Variants in OXR1 observed in about 807,000 individuals in gnomAD.
The protein encoded by OXR1 is oxidation resistance 1.
A neutral mutation model predicts 104.6 loss-of-function variants in OXR1; 41 were observed. That is an observed-to-expected ratio of 0.39 (90% CI 0.31 to 0.51). The LOEUF (loss-of-function observed/expected upper bound fraction) is 0.51. Among genes scored for constraint, OXR1 ranks in the 20% least tolerant of loss-of-function variants. The probability of loss-of-function intolerance (pLI) is 0.77; values close to 1 mark genes in which losing one functional copy is unlikely to be tolerated. For missense variants in OXR1, 955 were observed against 1,031.9 expected (o/e 0.93, Z 1.02); for synonymous variants, 348 against 348.4 (o/e 1.00, Z 0.01).
intron 2 of OXR1, among the ~76,000 whole-genome samples, chr8:106,436,205 C>T (rs951994425): frequency 3.3e-5 from 5 of 152,080 alleles, no homozygotes; most frequent in Admixed American, 2.6e-4. Flanking sequence ...GCCATACAGT[C>T]ACCTAGACCC....
At chr8:106,509,365 T>C (rs1309841761) in intron 2 of OXR1, among the ~76,000 whole-genome samples, 5 of 152,208 alleles carry the variant, frequency 3.3e-5, no homozygotes, top group African/African-American at 1.2e-4. Context: ...TATAGTGACA[T>C]AATCAGAAAG....
At chr8:106,577,253 C>T (rs1036494332) in intron 3 of OXR1, among the ~76,000 whole-genome samples, 2 of 151,322 alleles carry the variant, frequency 1.3e-5, no homozygotes, top group Non-Finnish European at 2.9e-5. Context: ...GTCTGTCGCC[C>T]AGACTGGAAT....
chr8:106,299,349 A>G (rs1050817438), intron 1 of OXR1, among the ~76,000 whole-genome samples: 3 of 152,052 alleles, frequency 2.0e-5, no homozygotes, highest in African/African-American at 7.2e-5. Flanking sequence ...GCATGGGACA[A>G]GTATATATAA....
chr8:106,497,212 T>C (rs1392263207), intron 2 of OXR1, among the ~76,000 whole-genome samples: 1 of 152,198 alleles, frequency 6.6e-6, no homozygotes, highest in Non-Finnish European at 1.5e-5. Context: ...GAGGATTTCA[T>C]AAATGCTTGG....
At chr8:106,725,497 C>T (rs1345152335) in intron 11 of OXR1, among the ~76,000 whole-genome samples, 1 of 152,102 alleles carries the variant, frequency 6.6e-6, no homozygotes, top group African/African-American at 2.4e-5. Context: ...CACTTCTTTG[C>T]TTATATTCAA....
chr8:106,453,666 A>G (rs1326020489), intron 2 of OXR1, among the ~76,000 whole-genome samples: 1 of 152,166 alleles, frequency 6.6e-6, no homozygotes, highest in African/African-American at 2.4e-5. Context: ...CATCACTCCT[A>G]TTCTTAAACT....
intron 3 of OXR1, among the ~76,000 whole-genome samples, chr8:106,662,355 TA>T (rs1825848277): frequency 6.6e-6 from 1 of 152,240 alleles, no homozygotes; most frequent in African/African-American, 2.4e-5. Context: ...TTAATAATAA[TA>T]TTTTTTTAAA....
chr8:106,736,729 G>A (rs921670855), intron 11 of OXR1, among the ~76,000 whole-genome samples: 1 of 152,134 alleles, frequency 6.6e-6, no homozygotes, highest in Non-Finnish European at 1.5e-5. Flanking sequence ...CTGTGCAAGA[G>A]CCTGGTCTAG....
At chr8:106,314,851 A>C (rs1813859924) in intron 1 of OXR1, among the ~76,000 whole-genome samples, 1 of 152,230 alleles carries the variant, frequency 6.6e-6, no homozygotes, top group South Asian at 2.1e-4. Context: ...TCTGCATTTT[A>C]AAAATGATGA....
intron 16 of OXR1, among the ~76,000 whole-genome samples, chr8:106,746,725 T>G (rs1021440275): frequency 6.6e-6 from 1 of 152,194 alleles, no homozygotes; most frequent in Admixed American, 6.5e-5. Context: ...TCATGGTTAT[T>G]GTAGCCTTCT....
intron 3 of OXR1, chr8:106,522,771 T>C (rs1813353621): frequency 6.6e-6 from 1 of 152,204 alleles, no homozygotes; most frequent in Non-Finnish European, 1.5e-5. Context: ...GAGTTGTTTT[T>C]CTTCTTACTC....
chr8:106,701,957 C>T (rs1830618190), intron 7 of OXR1, among the ~76,000 whole-genome samples: 1 of 152,060 alleles, frequency 6.6e-6, no homozygotes, highest in Admixed American at 6.6e-5. Flanking sequence ...ATTTGTATCA[C>T]TATTTATTTA....
At position 106,706,675 on chromosome 8, in the gene OXR1, C is replaced by T; in HGVS notation, c.1154C>T (p.Ser385Leu). The T allele has an allele frequency of 6.2e-7, 1 of 1,613,340 alleles. No individual in the cohort carries two copies. The change falls in exon 9 of 17, where the codon TCA becomes TTA. Residue 385 changes from serine (S) to leucine (L), a missense_variant. This residue lies in a region of OXR1 where 849 missense variants were observed against 852.9 expected (regional missense o/e 1.00). Coordinates refer to ENST00000517566, the MANE Select transcript of OXR1 (RefSeq NM_001198533.2). Reference sequence around the variant, plus strand: ...GAAGTAGAAAGTCTGACAGTCAAATCAGAATCTACTGGTACTCCTGGTCAC... The same window carrying T: ...GAAGTAGAAAGTCTGACAGTCAAATTAGAATCTACTGGTACTCCTGGTCAC... ...QAEVESLTVK[S>L]ESTGTPGHLR...
intron 2 of OXR1, among the ~76,000 whole-genome samples, chr8:106,430,096 C>A (rs1819299031): frequency 6.6e-6 from 1 of 151,940 alleles, no homozygotes; most frequent in African/African-American, 2.4e-5. Context: ...AGGTTGGTAT[C>A]TTTATTTCTC....
intron 1 of OXR1, among the ~76,000 whole-genome samples, chr8:106,310,953 G>A (rs1002269112): frequency 1.3e-5 from 2 of 151,844 alleles, no homozygotes; most frequent in African/African-American, 2.4e-5. Context: ...TTCTATCTTG[G>A]TGATTCATGT....
chr8:106,437,834 G>A (rs1367030699), intron 2 of OXR1, among the ~76,000 whole-genome samples: 1 of 152,164 alleles, frequency 6.6e-6, no homozygotes, highest in Non-Finnish European at 1.5e-5. Flanking sequence ...TACTGTGGTA[G>A]ATACAGTGAA....
intron 3 of OXR1, among the ~76,000 whole-genome samples, chr8:106,670,881 T>A (rs1479251010): frequency 1.3e-5 from 2 of 151,502 alleles, no homozygotes; most frequent in African/African-American, 4.9e-5. Flanking sequence ...AAACCCTGTC[T>A]CTACTAAAAA....
Position 106,399,916 on chromosome 8 carries a change from T to C in OXR1, c.23+40280T>C, listed in dbSNP as rs189911775. Among the ~76,000 whole-genome samples the C allele has an allele frequency of 1.6e-3, 240 of 152,256 alleles. 2 individuals carry two copies. Among genetic ancestry groups the C allele is most frequent in the Non-Finnish European group, 2.2e-3 (150 of 67,996 alleles). On this transcript the variant is annotated intron_variant, in intron 2 of 16. Coordinates refer to ENST00000517566, the MANE Select transcript of OXR1 (RefSeq NM_001198533.2). ...TTCTGTAGAAAATCTCAGTGCATTT[T>C]TCCTTGCATCAAGAATCCTTGTTTC...
chr8:106,683,503 A>T (rs1828384715), intron 5 of OXR1, among the ~76,000 whole-genome samples, 197 bp downstream of exon 5: 1 of 152,140 alleles, frequency 6.6e-6, no homozygotes, highest in African/African-American at 2.4e-5. Flanking sequence ...CATATTGAAA[A>T]TAATTGTAGA....
Sources: allele counts gnomAD v4.1 joint callset (sites outside exome capture counted in the v4.1 genomes callset), GRCh38; gene constraint gnomAD v4.1.1; regional missense constraint gnomAD v4.1.1; transcripts MANE v1.5; gene names NCBI Gene and HGNC (gene_info 2026-07-23, HGNC 2026-07-21).